Variants in UBXN7 observed in about 807,000 individuals in gnomAD.
UBXN7 encodes the protein UBX domain-containing protein 7.
UBXN7 carries 9 observed loss-of-function variants against 58.0 expected under a neutral mutation model. The ratio of observed to expected loss-of-function variants is 0.16; its 90% CI spans 0.09 to 0.27. UBXN7 has a LOEUF of 0.27. Ranked by LOEUF, UBXN7 falls within the 10% of genes least tolerant of loss-of-function variation. The pLI is 1.00. For missense variants in UBXN7, 328 were observed against 599.6 expected (o/e 0.55, Z 4.73); for synonymous variants, 208 against 205.0 (o/e 1.01, Z -0.12).
intron 1 of UBXN7, among the ~76,000 whole-genome samples, chr3:196,424,778 C>T (rs958921370): frequency 6.7e-6 from 1 of 148,720 alleles, no homozygotes; most frequent in Non-Finnish European, 1.5e-5. Context: ...TCTCAGCTCA[C>T]TGCAACCTCC....
intron 5 of UBXN7, among the ~76,000 whole-genome samples, chr3:196,376,545 CAA>C (rs777458391): frequency 1.4e-4 from 7 of 50,924 alleles, no homozygotes; most frequent in African/African-American, 3.6e-4. Flanking sequence ...GACTCTGTCT[CAA>C]AAAAAAAAAA....
At chr3:196,372,834 C>T (rs1728882864) in intron 5 of UBXN7, among the ~76,000 whole-genome samples, 1 of 152,056 alleles carries the variant, frequency 6.6e-6, no homozygotes. Flanking sequence ...CAACCTCCAC[C>T]TACTAGGTTC....
chr3:196,372,043 C>CCTG lies in UBXN7; in HGVS notation c.469-2_469-1insCAG. 1 of 1,593,356 alleles carries CCTG rather than the reference C, an allele frequency of 6.3e-7. No homozygotes were observed. The highest frequency in any genetic ancestry group is 8.5e-7 in the Non-Finnish European group (1 of 1,170,818). On this transcript the variant is annotated splice_acceptor_variant, in intron 5 of 10. Transcript: ENST00000296328. LOFTEE classifies it high-confidence loss of function. ...TTTGCATCTGGCCACACTCTTTGGCCTGCAAGAGTAAAGTTACACATTTGT... is the reference window on the plus strand; with the variant it reads ...TTTGCATCTGGCCACACTCTTTGGCCCTGTGCAAGAGTAAAGTTACACATTTGT...
Position 196,393,717 on chromosome 3 carries a change from T to A in UBXN7, c.290-98A>T, listed in dbSNP as rs554208704. 4.9e-6 allele frequency: 6 copies of A among 1,234,626 alleles called. No individual in the cohort carries two copies. The Admixed American group carries it at 1.4e-4, about 28-fold the overall frequency. 76.5% of individuals were successfully genotyped at this position (1,234,626 alleles called of 1,614,324 possible). ...AAAAGTATTTTTTTAATAAAACATA[T>A]GAAACCCTTCACGAACTGCATGTCA... is the stretch of plus-strand genomic sequence containing the variant. On this transcript the variant is annotated intron_variant, in intron 3 of 10. Transcript: ENST00000296328.
intron 2 of UBXN7, among the ~76,000 whole-genome samples, chr3:196,403,297 A>G (rs776534874): frequency 6.6e-6 from 1 of 152,084 alleles, no homozygotes; most frequent in Non-Finnish European, 1.5e-5. Context: ...AGCTGGGACT[A>G]CAGGCATACA....
chr3:196,429,289 T>C (rs1215366532), intron 1 of UBXN7, among the ~76,000 whole-genome samples: 1 of 151,138 alleles, frequency 6.6e-6, no homozygotes. Context: ...ATCACGCCAC[T>C]GCACTCCAGC....
At chr3:196,373,333 C>T (rs1294198884) in intron 5 of UBXN7, among the ~76,000 whole-genome samples, 1 of 152,144 alleles carries the variant, frequency 6.6e-6, no homozygotes, top group Non-Finnish European at 1.5e-5. Flanking sequence ...GATATCGATA[C>T]ATCAATCGTT....
At chr3:196,356,926 C>T in intron 10 of UBXN7, 80 bp from the exon 11 acceptor site, 2 of 1,488,220 alleles carry the variant, frequency 1.3e-6, no homozygotes, top group East Asian at 2.4e-5. Flanking sequence ...AGAAAACATT[C>T]TCTTTTTAAT....
At chr3:196,367,421 T>C (rs1728701964) in intron 8 of UBXN7, among the ~76,000 whole-genome samples, 1 of 152,042 alleles carries the variant, frequency 6.6e-6, no homozygotes, top group African/African-American at 2.4e-5. Context: ...AAAGCTATAT[T>C]AACCAATAAA....
intron 1 of UBXN7, among the ~76,000 whole-genome samples, chr3:196,420,627 T>C (rs1314384137): frequency 2.6e-5 from 4 of 152,108 alleles, no homozygotes; most frequent in Admixed American, 6.6e-5. Context: ...AATCCAGTCA[T>C]CTATACTCCA....
chr3:196,421,440 C>G (rs188037894), intron 1 of UBXN7, among the ~76,000 whole-genome samples: 1 of 152,252 alleles, frequency 6.6e-6, no homozygotes, highest in East Asian at 1.9e-4. Flanking sequence ...AATTTTATGT[C>G]TGTTGAATCT....
chr3:196,404,291 CT>C (rs1730089303), intron 2 of UBXN7, among the ~76,000 whole-genome samples: 1 of 130,942 alleles, frequency 7.6e-6, no homozygotes, highest in Non-Finnish European at 1.6e-5. Context: ...GAGACGGAGT[CT>C]CACTCTGTGG....
At chr3:196,358,410 T>A (rs895232720) in intron 10 of UBXN7, among the ~76,000 whole-genome samples, 2 of 152,188 alleles carry the variant, frequency 1.3e-5, no homozygotes, top group African/African-American at 4.8e-5. Context: ...TTACGTGGCT[T>A]ACCTAATTTA....
At chr3:196,405,578 G>GTGTA (rs1560237532) in intron 2 of UBXN7, among the ~76,000 whole-genome samples, 1 of 151,466 alleles carries the variant, frequency 6.6e-6, no homozygotes, top group African/African-American at 2.4e-5. Flanking sequence ...GTGTGTGTGT[G>GTGTA]TATATATATA....
At chr3:196,427,614 T>C (rs980918513) in intron 1 of UBXN7, among the ~76,000 whole-genome samples, 2 of 152,188 alleles carry the variant, frequency 1.3e-5, no homozygotes, top group African/African-American at 4.8e-5. Flanking sequence ...CCACCGCACC[T>C]GGCTTCAAAA....
At chr3:196,367,020 T>C (rs1030818922) in intron 8 of UBXN7, among the ~76,000 whole-genome samples, 1 of 151,906 alleles carries the variant, frequency 6.6e-6, no homozygotes, top group Non-Finnish European at 1.5e-5. Context: ...CCATCTCTAC[T>C]AAAACTACAA....
At chr3:196,419,704 TA>T in intron 1 of UBXN7, among the ~76,000 whole-genome samples, 1 of 152,292 alleles carries the variant, frequency 6.6e-6, no homozygotes, top group East Asian at 1.9e-4. Context: ...GAGTCGGGGA[TA>T]CTACTGGCAT....
intron 10 of UBXN7, 24 bp downstream of exon 10, chr3:196,361,820 G>A: frequency 6.2e-7 from 1 of 1,607,214 alleles, no homozygotes; most frequent in Non-Finnish European, 8.5e-7. Context: ...GGTCGGAACT[G>A]AACCAAAGCA....
intron 2 of UBXN7, among the ~76,000 whole-genome samples, chr3:196,404,113 T>C (rs1388287408): frequency 6.6e-6 from 1 of 151,546 alleles, no homozygotes; most frequent in Non-Finnish European, 1.5e-5. Flanking sequence ...AAAAAAAAAT[T>C]ACTTTGTTTT....
Sources: allele counts gnomAD v4.1 joint callset (sites outside exome capture counted in the v4.1 genomes callset), GRCh38; gene constraint gnomAD v4.1.1; transcripts MANE v1.5; gene names NCBI Gene and HGNC (gene_info 2026-07-23, HGNC 2026-07-21).